MRC2: variants seen among roughly 807,000 people sequenced by gnomAD.
MRC2 encodes mannose receptor C-type 2.
In MRC2, 84 loss-of-function variants were observed where a neutral mutation model predicts 206.2. The observed-to-expected ratio is 0.41, with a 90% CI of 0.34 to 0.49. MRC2 has a LOEUF of 0.49. Among genes scored for constraint, MRC2 ranks in the 20% least tolerant of loss-of-function variants. The pLI, the probability that MRC2 is intolerant of heterozygous loss-of-function variation, is 0.31. For missense variants in MRC2, 1,676 were observed against 2,001.5 expected, an observed-to-expected ratio of 0.84 and a Z score of 3.10; for synonymous variants, 798 against 800.0, an observed-to-expected ratio of 1.00 and a Z score of 0.04.
intron 1 of MRC2, among the ~76,000 whole-genome samples, chr17:62,646,048 G>A (rs1406289706): frequency 3.7e-5 from 5 of 133,426 alleles, no homozygotes; most frequent in African/African-American, 1.2e-4. Flanking sequence ...TTTTTGAGAC[G>A]GAGTCTTGCT....
At chr17:62,651,341 C>G (rs1002979338) in intron 1 of MRC2, among the ~76,000 whole-genome samples, 10 of 152,128 alleles carry the variant, frequency 6.6e-5, no homozygotes, top group African/African-American at 2.4e-4. Flanking sequence ...CTCGGCCTCC[C>G]AGAGTGCTGG....
intron 23 of MRC2, 168 bp from the exon 24 acceptor site, chr17:62,689,354 A>G (rs2089072825): frequency 1.7e-5 from 10 of 594,214 alleles, no homozygotes; most frequent in South Asian, 4.6e-5. Context: ...GCAAACATGT[A>G]TTATTAATAA....
At chr17:62,678,426 T>C (rs1284820738) in intron 12 of MRC2, 78 bp from the exon 13 acceptor site, 2 of 1,548,372 alleles carry the variant, frequency 1.3e-6, no homozygotes, top group East Asian at 4.6e-5. Context: ...TCCTCTGCCA[T>C]GGTGGGAAAG....
chr17:62,681,893 C>T lies in MRC2; in HGVS notation c.2759C>T (p.Pro920Leu). 1 of 1,614,014 alleles carries T rather than the reference C, an allele frequency of 6.2e-7. No homozygotes were observed. Among genetic ancestry groups the T allele is most frequent in the Non-Finnish European group, 8.5e-7 (1 of 1,179,992 alleles). The change falls in exon 19 of 30, where the codon CCT becomes CTT. Residue 920 changes from proline to leucine, a missense_variant. Physicochemically the swap from Pro to Leu is moderately conservative, Grantham distance 98. Transcript: ENST00000303375. ...TCCTGGGCACCAGGCAAACCTCGGC[C>T]TGTCGGCAAGGACAAGAAGTGCGTG... ...FISWAPGKPR[P>L]VGKDKKCVYM...
Position 62,666,791 on chromosome 17 carries a change from C to T in MRC2, c.894C>T (p.Ile298=). 1.2e-6 allele frequency: 2 copies of T among 1,613,588 alleles called. No individual in the cohort carries two copies. The highest frequency in any genetic ancestry group is 8.5e-7 in the Non-Finnish European group (1 of 1,179,908). Residue 298 remains isoleucine (I), a synonymous_variant, in exon 5 of 30, where the codon ATC becomes ATT. Coordinates refer to ENST00000303375, the MANE Select transcript of MRC2 (RefSeq NM_006039.5). The surrounding 1 kb of genome is among the most constrained non-coding windows in gnomAD (Gnocchi z 5.0). ...CTGGGTACAGCTCCACCCTGTGGAT[C>T]GGCTTGAATGACTTGGACACGAGCG... is the stretch of plus-strand genomic sequence containing the variant. ...LLTGYSSTLW[I]GLNDLDTSGG... is the part of the protein sequence containing the mutation.
intron 20 of MRC2, among the ~76,000 whole-genome samples, chr17:62,686,472 A>G (rs1162738754): frequency 6.6e-6 from 1 of 151,928 alleles, no homozygotes; most frequent in Non-Finnish European, 1.5e-5. Context: ...AACAACAACA[A>G]CAACAACAAC....
chr17:62,649,554 G>A (rs112822609), intron 1 of MRC2, among the ~76,000 whole-genome samples: 78 of 152,282 alleles, frequency 5.1e-4, no homozygotes, highest in Non-Finnish European at 8.7e-4. Context: ...TTTCATCACT[G>A]CACTCCAGCC....
intron 9 of MRC2, 119 bp downstream of exon 9, chr17:62,674,289 C>T (rs532900984): frequency 3.0e-6 from 2 of 675,628 alleles, no homozygotes; most frequent in Admixed American, 6.0e-5. Flanking sequence ...TCGGCACCCC[C>T]TTCCCTGAGC....
At chr17:62,689,277 G>A in intron 23 of MRC2, 1 of 580,962 alleles carries the variant, frequency 1.7e-6, no homozygotes, top group Admixed American at 3.0e-5. Context: ...CCATGCGTAG[G>A]TGGCCTCTGC....
chr17:62,691,962 C>T (rs2089117116), intron 28 of MRC2, 150 bp from the exon 29 acceptor site: 2 of 1,030,328 alleles, frequency 1.9e-6, no homozygotes, highest in Admixed American at 2.3e-5. Flanking sequence ...CCTGTGCCCC[C>T]ACAGTAACCA....
Position 62,652,129 on chromosome 17 carries a change from C to G in MRC2, c.119-12419C>G, listed in dbSNP as rs183969125. On this transcript the variant is annotated intron_variant, in intron 1 of 29. Coordinates refer to ENST00000303375, the MANE Select transcript of MRC2 (RefSeq NM_006039.5). This position sits in a 1 kb window ranked among gnomAD's most constrained non-coding sequence, Gnocchi z 4.6. ...TTCGGTTACTCCCCACCCCACACAC[C>G]TTGTAGACACTTTGTCAAAACTACA... Among the ~76,000 whole-genome samples the G allele has an allele frequency of 1.3e-5, 2 of 152,354 alleles. No individual in the cohort carries two copies. Among genetic ancestry groups the G allele is most frequent in the Admixed American group, 1.3e-4 (2 of 15,300 alleles).
chr17:62,640,417 T>G (rs2088386764), intron 1 of MRC2, among the ~76,000 whole-genome samples: 1 of 152,206 alleles, frequency 6.6e-6, no homozygotes, highest in South Asian at 2.1e-4. Context: ...CTAGGCATGA[T>G]TCCTGCTTTC....
At position 62,678,622 on chromosome 17, in the gene MRC2, C is replaced by G. The variant is rs1276695836; in HGVS notation, c.2171C>G (p.Ala724Gly). The G allele has an allele frequency of 6.2e-7, 1 of 1,611,598 alleles. No individual in the cohort carries two copies. The highest frequency in any genetic ancestry group is 8.5e-7 in the Non-Finnish European group (1 of 1,179,146). The change falls in exon 13 of 30, where the codon GCC (alanine) becomes GGC (glycine). Residue 724 changes from alanine (A) to glycine (G), a missense_variant. This residue lies in a region of MRC2 where 1,354 missense variants were observed against 1,636.6 expected (regional missense o/e 0.83). Coordinates refer to ENST00000303375, the MANE Select transcript of MRC2 (RefSeq NM_006039.5). ...AGCTACGAGGAGGAGCACTTTGTGG[C>G]CAACATGCTCAACAAGATCTTCGGG... ...LASYEEEHFV[A>G]NMLNKIFGES...
Position 62,679,788 on chromosome 17 carries a change from GTT to G in MRC2, c.2196-11_2196-10del. 1.2e-6 allele frequency: 2 copies of G among 1,613,152 alleles called. No individual in the cohort carries two copies. The highest frequency in any genetic ancestry group is 1.7e-6 in the Non-Finnish European group (2 of 1,179,570). On this transcript the variant is annotated splice_polypyrimidine_tract_variant and intron_variant, in intron 13 of 29. Coordinates refer to ENST00000303375, the MANE Select transcript of MRC2 (RefSeq NM_006039.5). ...CCATCTCTTCCGTCCCCACTCCTGG[GTT>G]GTGCTGAAGTGAATCAGAACCCGAG...
chr17:62,633,984 A>G (rs2088280073), intron 1 of MRC2, among the ~76,000 whole-genome samples: 1 of 152,068 alleles, frequency 6.6e-6, no homozygotes, highest in Non-Finnish European at 1.5e-5. Context: ...GAATAGTGAA[A>G]GCAGGCTTAA....
rs562800705 is a variant in MRC2 at position 62,664,225 on chromosome 17, C to T, written c.119-323C>T. ...CCGCCCGCCTCGGCCTCCCAAAGTG[C>T]TGGGATTACAGGCGTGAGCCACCGC... On this transcript the variant is annotated intron_variant, in intron 1 of 29. Coordinates refer to ENST00000303375, the MANE Select transcript of MRC2 (RefSeq NM_006039.5). The surrounding 1 kb of genome is among the most constrained non-coding windows in gnomAD (Gnocchi z 4.7). 6.6e-6 allele frequency among the ~76,000 whole-genome samples: 1 copy of T among 152,168 alleles called. No individual in the cohort carries two copies. Among genetic ancestry groups the T allele is most frequent in the Non-Finnish European group, 1.5e-5 (1 of 68,024 alleles).
In MRC2 at chr17:62,671,340, G is replaced by C. The variant is rs1234872251; in HGVS notation, c.1118-309G>C. Among the ~76,000 whole-genome samples, 1 of 152,192 alleles carries C rather than the reference G, an allele frequency of 6.6e-6. No individual in the cohort carries two copies. The highest frequency in any genetic ancestry group is 6.5e-5 in the Admixed American group (1 of 15,282). On this transcript the variant is annotated intron_variant, in intron 6 of 29. Coordinates refer to ENST00000303375, the MANE Select transcript of MRC2 (RefSeq NM_006039.5). The surrounding 1 kb of genome is among the most constrained non-coding windows in gnomAD (Gnocchi z 4.5). ...CCAGCCTTAGCCTTCCAAAGTGCTG[G>C]GATTACAGGCCTGAGCCACCATGCC...
At chr17:62,641,893 C>CTGTGTGTG (rs779371631) in intron 1 of MRC2, among the ~76,000 whole-genome samples, 5 of 93,214 alleles carry the variant, frequency 5.4e-5, no homozygotes, top group Non-Finnish European at 8.8e-5. Context: ...TTATCTCACT[C>CTGTGTGTG]TCTGTGTGTG....
At position 62,677,306 on chromosome 17, in the gene MRC2, C is replaced by A; in HGVS notation, c.1872C>A (p.Gly624=). The A allele has an allele frequency of 6.2e-7, 1 of 1,605,932 alleles. No individual in the cohort carries two copies. Among genetic ancestry groups the A allele is most frequent in the South Asian group, 1.1e-5 (1 of 89,632 alleles). ...GGGGCTGCGTGGCGCTGGCCACTGGCAGCGCCATGGGGCTGTGGGAGGTGA... is the reference window on the plus strand; with the variant it reads ...GGGGCTGCGTGGCGCTGGCCACTGGAAGCGCCATGGGGCTGTGGGAGGTGA... The part of the protein sequence containing the change: ...SRGGCVALAT[G]SAMGLWEVKN... The change falls in exon 12 of 30, where the codon GGC becomes GGA. Residue 624 remains glycine, a synonymous_variant. Coordinates refer to ENST00000303375, the MANE Select transcript of MRC2 (RefSeq NM_006039.5).
Sources: allele counts gnomAD v4.1 joint callset (sites outside exome capture counted in the v4.1 genomes callset), GRCh38; gene constraint gnomAD v4.1.1; regional missense constraint gnomAD v4.1.1; non-coding constraint Gnocchi (gnomAD v3.1); transcripts MANE v1.5; gene names NCBI Gene and HGNC (gene_info 2026-07-23, HGNC 2026-07-21).